Variants in NWD2 observed in about 807,000 individuals in gnomAD.
The protein encoded by NWD2 is NACHT and WD repeat domain-containing protein 2.
NWD2 carries 37 observed loss-of-function variants against 132.7 expected under a neutral mutation model. That is an observed-to-expected ratio of 0.28 (90% CI 0.21 to 0.37). The LOEUF (loss-of-function observed/expected upper bound fraction) is 0.37, where lower values mean the gene tolerates loss of function less well. NWD2 is among the 10% of genes least tolerant of loss of function. NWD2 has a pLI of 1.00. For missense variants in NWD2, 1,592 were observed against 2,122.4 expected (o/e 0.75, Z 4.91); for synonymous variants, 705 against 803.0 (o/e 0.88, Z 2.06).
At chr4:37,382,568 CT>C (rs1297123270) in intron 3 of NWD2, among the ~76,000 whole-genome samples, 5 of 152,184 alleles carry the variant, frequency 3.3e-5, no homozygotes, top group Non-Finnish European at 5.9e-5. Flanking sequence ...TCTCTCTCCC[CT>C]TTTCCCCTGT....
intron 1 of NWD2, among the ~76,000 whole-genome samples, chr4:37,294,254 G>C (rs1264929034): frequency 6.6e-6 from 1 of 152,158 alleles, no homozygotes; most frequent in Non-Finnish European, 1.5e-5. Context: ...TAGGGTTACT[G>C]TCTGGACATT....
rs1712696021 is a variant in NWD2, at chr4:37,448,263, A to G, written c.*1046A>G. 3.9e-5 allele frequency: 6 copies of G among 152,228 alleles called. No homozygotes were observed. Among genetic ancestry groups the G allele is most frequent in the Admixed American group, 3.9e-4 (6 of 15,284 alleles). 9.4% of individuals were successfully genotyped at this position (152,228 alleles called of 1,614,324 possible). A position where few individuals can be genotyped will look rare whatever the true frequency, so the allele number is the denominator to read the frequency against. On this transcript the variant is annotated 3_prime_UTR_variant, in exon 7 of 7. Transcript: ENST00000309447. ...GATAGATGACCAAATACTCTGGGATAAACTGAATATGCCTGTCTTTGTGCT... is the reference window on the plus strand; with the variant it reads ...GATAGATGACCAAATACTCTGGGATGAACTGAATATGCCTGTCTTTGTGCT...
intron 1 of NWD2, among the ~76,000 whole-genome samples, chr4:37,267,489 A>T (rs1190651843): frequency 6.6e-6 from 1 of 151,948 alleles, no homozygotes; most frequent in Non-Finnish European, 1.5e-5. Flanking sequence ...CCTATTGCGA[A>T]GGGATGCCTA....
intron 2 of NWD2, among the ~76,000 whole-genome samples, chr4:37,336,962 A>G (rs1719422074): frequency 6.6e-6 from 1 of 151,214 alleles, no homozygotes; most frequent in African/African-American, 2.4e-5. Context: ...GAAAAAAAAA[A>G]AAAAAAAAAC....
chr4:37,380,757 G>C (rs182947512), intron 3 of NWD2, among the ~76,000 whole-genome samples: 70 of 152,284 alleles, frequency 4.6e-4, no homozygotes, highest in Non-Finnish European at 7.1e-4. Context: ...AATTTCTTAA[G>C]TACTCACAGC....
intron 3 of NWD2, among the ~76,000 whole-genome samples, chr4:37,359,756 C>T (rs184884092): frequency 6.6e-6 from 1 of 152,296 alleles, no homozygotes; most frequent in East Asian, 1.9e-4. Context: ...TCGTGCTTGG[C>T]CTTTTTCGAC....
At chr4:37,428,154 A>G (rs939132219) in intron 3 of NWD2, among the ~76,000 whole-genome samples, 10 of 152,230 alleles carry the variant, frequency 6.6e-5, no homozygotes, top group African/African-American at 1.9e-4. Context: ...CAGATCTACC[A>G]AGGACTTCTC....
rs370592141 is a variant in NWD2, at chr4:37,443,228, T to G, written c.1297-57T>G. Reference sequence around the variant, plus strand: ...TGAGCTCTGGAGAGAGGCAATGTTATCACATATGACCATGTGAATACATAT... The same window carrying G: ...TGAGCTCTGGAGAGAGGCAATGTTAGCACATATGACCATGTGAATACATAT... On this transcript the variant is annotated intron_variant, in intron 6 of 6. Transcript: ENST00000309447. The surrounding 1 kb of genome is among the most constrained non-coding windows in gnomAD (Gnocchi z 4.1). 2.1e-6 allele frequency: 3 copies of G among 1,395,686 alleles called. No homozygotes were observed. Among genetic ancestry groups the G allele is most frequent in the Middle Eastern group, 1.8e-4 (1 of 5,566 alleles). 86.5% of individuals were successfully genotyped at this position (1,395,686 alleles called of 1,614,324 possible).
chr4:37,435,207 G>T (rs1053479172), intron 5 of NWD2, among the ~76,000 whole-genome samples: 3 of 152,170 alleles, frequency 2.0e-5, no homozygotes, highest in African/African-American at 7.2e-5. Context: ...TATTTTGAAA[G>T]TTGATAGTAA....
intron 3 of NWD2, among the ~76,000 whole-genome samples, chr4:37,405,429 T>TAGAAC (rs1560414114): frequency 4.5e-5 from 1 of 22,166 alleles, no homozygotes; most frequent in Admixed American, 5.2e-4. Context: ...TGTAATAGAA[T>TAGAAC]AGAATAGAAT....
chr4:37,408,428 T>C (rs1029365298), intron 3 of NWD2, among the ~76,000 whole-genome samples: 22 of 152,162 alleles, frequency 1.4e-4, no homozygotes, highest in Non-Finnish European at 2.8e-4. Context: ...AAGTTCAAAC[T>C]GGGTGGAGCC....
intron 1 of NWD2, among the ~76,000 whole-genome samples, chr4:37,281,601 T>TTA (rs1330157911): frequency 6.6e-6 from 1 of 152,100 alleles, no homozygotes; most frequent in African/African-American, 2.4e-5. Flanking sequence ...ACTAACCCTG[T>TTA]GAGATTCGTC....
intron 2 of NWD2, among the ~76,000 whole-genome samples, chr4:37,337,144 T>C (rs73807496): frequency 0.022 from 3,274 of 152,224 alleles, 120 homozygotes; most frequent in African/African-American, 0.075. Flanking sequence ...CTAAAACGTA[T>C]GGTCAGTGAT....
At chr4:37,309,587 G>C (rs1041220392) in intron 1 of NWD2, among the ~76,000 whole-genome samples, 5 of 152,256 alleles carry the variant, frequency 3.3e-5, no homozygotes, top group Admixed American at 1.3e-4. Context: ...CTGGGTTCCA[G>C]AGAATGGCTG....
chr4:37,337,990 G>C (rs1415310220), intron 2 of NWD2, among the ~76,000 whole-genome samples: 4 of 152,146 alleles, frequency 2.6e-5, no homozygotes, highest in African/African-American at 7.2e-5. Flanking sequence ...TTTCTTCGAA[G>C]CTTGCCTTTT....
chr4:37,303,250 A>G (rs889483378), intron 1 of NWD2, among the ~76,000 whole-genome samples: 4 of 152,174 alleles, frequency 2.6e-5, no homozygotes, highest in African/African-American at 7.2e-5. Flanking sequence ...GTTGAGAAAC[A>G]GTTGTCTGTA....
chr4:37,327,004 A>C (rs1411309121), intron 2 of NWD2, among the ~76,000 whole-genome samples: 1 of 152,136 alleles, frequency 6.6e-6, no homozygotes, highest in Non-Finnish European at 1.5e-5. Context: ...TTGAATTGTC[A>C]CTCATAAGTC....
intron 3 of NWD2, among the ~76,000 whole-genome samples, chr4:37,405,272 A>T (rs1485340161): frequency 6.6e-6 from 1 of 152,176 alleles, no homozygotes; most frequent in African/African-American, 2.4e-5. Flanking sequence ...AGAATGAAGC[A>T]ATCTTGTGGA....
At chr4:37,400,987 A>G (rs12646961) in intron 3 of NWD2, among the ~76,000 whole-genome samples, 25,753 of 152,144 alleles carry the variant, frequency 0.17, 2,896 homozygotes, top group African/African-American at 0.32. Context: ...TGTGCTATTC[A>G]TTGGAGTTGT....
Sources: allele counts gnomAD v4.1 joint callset (sites outside exome capture counted in the v4.1 genomes callset), GRCh38; gene constraint gnomAD v4.1.1; non-coding constraint Gnocchi (gnomAD v3.1); transcripts MANE v1.5; gene names NCBI Gene and HGNC (gene_info 2026-07-23, HGNC 2026-07-21).